UBE3D: variants seen among roughly 807,000 people sequenced by gnomAD.
UBE3D encodes the protein E3 ubiquitin-protein ligase E3D.
A neutral mutation model predicts 49.6 loss-of-function variants in UBE3D; 48 were observed. The observed-to-expected ratio is 0.97, with a 90% CI of 0.77 to 1.23. The LOEUF is 1.23. UBE3D is among the 50% of genes most tolerant of loss of function. The pLI is 0.00. For missense variants in UBE3D, 452 were observed against 468.4 expected, an observed-to-expected ratio of 0.96 and a Z score of 0.32; for synonymous variants, 189 against 174.2, an observed-to-expected ratio of 1.08 and a Z score of -0.67.
chr6:82,931,847 G>A (rs987741552), intron 9 of UBE3D, among the ~76,000 whole-genome samples: 1 of 152,122 alleles, frequency 6.6e-6, no homozygotes, highest in African/African-American at 2.4e-5. Flanking sequence ...ATCTGGGAGG[G>A]GCCGGGGTGA....
chr6:83,047,931 A>T (rs1427574740), intron 3 of UBE3D, among the ~76,000 whole-genome samples: 4 of 151,662 alleles, frequency 2.6e-5, no homozygotes, highest in Non-Finnish European at 5.9e-5. Context: ...AAATACAAAA[A>T]ATTAGCCGGG....
At chr6:82,909,589 C>T (rs1772350904) in intron 9 of UBE3D, among the ~76,000 whole-genome samples, 1 of 152,228 alleles carries the variant, frequency 6.6e-6, no homozygotes, top group African/African-American at 2.4e-5. Flanking sequence ...TAAGCATTCA[C>T]ATCTGCTTTC....
intron 4 of UBE3D, among the ~76,000 whole-genome samples, chr6:83,040,517 A>G (rs761459859): frequency 6.6e-6 from 1 of 152,236 alleles, no homozygotes; most frequent in East Asian, 1.9e-4. Context: ...TGCAACTAGT[A>G]AAAAAATCCG....
At chr6:82,989,198 C>T (rs1778718354) in intron 8 of UBE3D, among the ~76,000 whole-genome samples, 1 of 152,042 alleles carries the variant, frequency 6.6e-6, no homozygotes, top group Admixed American at 6.6e-5. Context: ...CAGTACAAGG[C>T]CCCTGGGTGT....
At chr6:83,019,232 C>CA (rs1780913950) in intron 7 of UBE3D, 96 bp from the exon 8 acceptor site, 2 of 1,126,302 alleles carry the variant, frequency 1.8e-6, no homozygotes, top group Admixed American at 3.5e-5. Context: ...ATGAAAATAC[C>CA]AGAAAAAATA....
rs1780121079 is a variant in UBE3D, at chr6:83,008,359, A to T, written c.1010+10614T>A. Among the ~76,000 whole-genome samples the T allele has an allele frequency of 2.0e-5, 3 of 152,338 alleles. No homozygotes were observed. In the South Asian group the frequency reaches 6.2e-4, roughly 32 times the overall value. ...ATATAGAGTCTAAAGCCAAAAAGTT[A>T]ATATTTAGCATCTAAATGCTGATAA... On this transcript the variant is annotated intron_variant, in intron 8 of 9. Transcript: ENST00000369747.
intron 5 of UBE3D, among the ~76,000 whole-genome samples, chr6:83,034,699 T>C (rs1399535828): frequency 6.6e-6 from 1 of 152,170 alleles, no homozygotes; most frequent in East Asian, 1.9e-4. Context: ...TGCTTGCTGC[T>C]TCTTTGCCTT....
At chr6:83,036,045 A>C (rs1055058420) in intron 5 of UBE3D, 1 of 97,072 alleles carries the variant, frequency 1.0e-5, no homozygotes, top group Non-Finnish European at 1.9e-5. Flanking sequence ...TTTTTTTGAG[A>C]TGGAGTCTTG....
At chr6:83,053,819 G>A (rs964599107) in intron 3 of UBE3D, among the ~76,000 whole-genome samples, 2 of 152,184 alleles carry the variant, frequency 1.3e-5, no homozygotes, top group Non-Finnish European at 2.9e-5. Flanking sequence ...TGTGGAAAAT[G>A]TCACTCAGCA....
In UBE3D at chr6:83,062,462, C is replaced by T. The variant is rs934819114; in HGVS notation, c.77+3180G>A. Among the ~76,000 whole-genome samples, 119 of 152,178 alleles carry T rather than the reference C, an allele frequency of 7.8e-4. 1 individual carries two copies. The highest frequency in any genetic ancestry group is 1.5e-3 in the Non-Finnish European group (105 of 68,038). On this transcript the variant is annotated intron_variant, in intron 1 of 9. Transcript: ENST00000369747. ...GAAGAATCTGCCCTCAGGAACCACG[C>T]ACCTCCCACTAGGCCCTATGTCTCA...
chr6:83,060,549 G>C (rs1475783209), intron 1 of UBE3D, among the ~76,000 whole-genome samples: 1 of 152,120 alleles, frequency 6.6e-6, no homozygotes, highest in African/African-American at 2.4e-5. Flanking sequence ...CCCTAGTTCT[G>C]GGAGAAGCGA....
rs1244655490 is a variant in UBE3D at position 82,959,678 on chromosome 6, TG to T, written c.1011-2229del. Among the ~76,000 whole-genome samples the T allele has an allele frequency of 5.7e-5, 8 of 139,766 alleles. No homozygotes were observed. The East Asian group carries it at 1.7e-3, about 29-fold the overall frequency. 91.7% of individuals were successfully genotyped at this position (139,766 alleles called of 152,430 possible). The stretch of plus-strand genomic sequence containing the variant: ...ATCTTAAGAATTGGCTCTGTTTCTT[TG>T]AATCCAGTGATCCAAATTCCTATCT... On this transcript the variant is annotated intron_variant, in intron 8 of 9. Transcript: ENST00000369747.
chr6:82,906,110 G>C (rs1236471277), intron 9 of UBE3D, among the ~76,000 whole-genome samples: 1 of 152,028 alleles, frequency 6.6e-6, no homozygotes, highest in Non-Finnish European at 1.5e-5. Context: ...TCCTATCAGT[G>C]ACCAAATTTC....
At chr6:82,995,751 T>C (rs1458008142) in intron 8 of UBE3D, among the ~76,000 whole-genome samples, 6 of 151,874 alleles carry the variant, frequency 4.0e-5, no homozygotes, top group East Asian at 1.9e-4. Flanking sequence ...TAGGAGAGAA[T>C]TGGACAGTAG....
At chr6:82,931,823 T>C (rs765089694) in intron 9 of UBE3D, among the ~76,000 whole-genome samples, 3 of 152,146 alleles carry the variant, frequency 2.0e-5, no homozygotes, top group Non-Finnish European at 4.4e-5. Context: ...GGTTTTGAAA[T>C]GTGAGTACAT....
intron 8 of UBE3D, among the ~76,000 whole-genome samples, chr6:82,996,679 A>G (rs1317063010): frequency 6.6e-6 from 1 of 152,178 alleles, no homozygotes; most frequent in African/African-American, 2.4e-5. Context: ...ATACCCTAAT[A>G]TGATGTGATG....
intron 3 of UBE3D, among the ~76,000 whole-genome samples, chr6:83,045,878 T>C (rs1424031695): frequency 6.6e-6 from 1 of 152,184 alleles, no homozygotes; most frequent in East Asian, 1.9e-4. Context: ...CATGTCTCCC[T>C]AGTCTCGTCT....
Position 83,054,250 on chromosome 6 carries a change from C to A in UBE3D, c.275-12G>T. 6.3e-7 allele frequency: 1 copy of A among 1,598,124 alleles called. No homozygotes were observed. Among genetic ancestry groups the A allele is most frequent in the South Asian group, 1.1e-5 (1 of 90,698 alleles). On this transcript the variant is annotated splice_polypyrimidine_tract_variant and intron_variant, in intron 2 of 9. Coordinates refer to ENST00000369747, the MANE Select transcript of UBE3D (RefSeq NM_198920.3). ...CATTGAAATCAGTTCTAAAGGAAGT[C>A]AATGAAATAGCTAATCTTAGAGATT...
At chr6:82,955,750 T>C (rs1421782152) in intron 9 of UBE3D, among the ~76,000 whole-genome samples, 1 of 152,156 alleles carries the variant, frequency 6.6e-6, no homozygotes, top group African/African-American at 2.4e-5. Flanking sequence ...CCCAGGACCT[T>C]AGTGGGCACT....
Sources: allele counts gnomAD v4.1 joint callset (sites outside exome capture counted in the v4.1 genomes callset), GRCh38; gene constraint gnomAD v4.1.1; transcripts MANE v1.5; gene names NCBI Gene and HGNC (gene_info 2026-07-23, HGNC 2026-07-21).